Variants in AP1AR observed in about 807,000 individuals in gnomAD.
AP1AR encodes AP-1 complex-associated regulatory protein.
A neutral mutation model predicts 46.3 loss-of-function variants in AP1AR; 29 were observed. The observed-to-expected ratio is 0.63, with a 90% CI of 0.47 to 0.85. The LOEUF is 0.85. Ranked by LOEUF, AP1AR falls within the 40% of genes least tolerant of loss-of-function variation. AP1AR has a pLI of 0.00. For missense variants in AP1AR, 357 were observed against 356.3 expected, an observed-to-expected ratio of 1.00 and a Z score of -0.02; for synonymous variants, 122 against 122.9, an observed-to-expected ratio of 0.99 and a Z score of 0.05.
intron 1 of AP1AR, among the ~76,000 whole-genome samples, chr4:112,235,872 C>T (rs1038415132): frequency 3.3e-5 from 5 of 152,162 alleles, no homozygotes; most frequent in Non-Finnish European, 7.3e-5. Context: ...GTGTGCTAAG[C>T]TGTCTTTTTC....
rs148885771 is a variant in AP1AR at position 112,270,045 on chromosome 4, C to T, written c.*1636C>T. The T allele has an allele frequency of 2.0e-5, 3 of 152,506 alleles. No homozygotes were observed. Among genetic ancestry groups the T allele is most frequent in the Admixed American group, 2.0e-4 (3 of 15,276 alleles). 9.4% of individuals were successfully genotyped at this position (152,506 alleles called of 1,614,324 possible). ...GGTTGTGAATAAACACATTTTTACACTTAAAGGTAATAAGTTATTTGACTA... is the reference window on the plus strand; with the variant it reads ...GGTTGTGAATAAACACATTTTTACATTTAAAGGTAATAAGTTATTTGACTA... On this transcript the variant is annotated 3_prime_UTR_variant, in exon 10 of 10. Coordinates refer to ENST00000274000, the MANE Select transcript of AP1AR (RefSeq NM_018569.6).
intron 1 of AP1AR, among the ~76,000 whole-genome samples, chr4:112,241,148 C>G (rs1327835264): frequency 6.6e-6 from 1 of 152,090 alleles, no homozygotes; most frequent in African/African-American, 2.4e-5. Flanking sequence ...TCCTCTCTGC[C>G]AAGGCATAAA....
At chr4:112,253,962 T>C (rs1553925231) in intron 2 of AP1AR, among the ~76,000 whole-genome samples, 1 of 152,152 alleles carries the variant, frequency 6.6e-6, no homozygotes, top group East Asian at 1.9e-4. Context: ...CAAACTAATA[T>C]AAAAAAAGAT....
intron 1 of AP1AR, among the ~76,000 whole-genome samples, chr4:112,247,557 A>G (rs1725777351): frequency 6.6e-6 from 1 of 152,164 alleles, no homozygotes; most frequent in Non-Finnish European, 1.5e-5. Context: ...CAGAGTTAGG[A>G]GATAGCCTTG....
intron 2 of AP1AR, 93 bp from the exon 3 acceptor site, chr4:112,254,654 A>G: frequency 2.8e-6 from 2 of 720,724 alleles, no homozygotes; most frequent in East Asian, 6.1e-5. Flanking sequence ...ATAAAGGTAT[A>G]TTATTTTTAA....
At chr4:112,258,031 A>G (rs914213834) in intron 4 of AP1AR, among the ~76,000 whole-genome samples, 1 of 152,128 alleles carries the variant, frequency 6.6e-6, no homozygotes, top group African/African-American at 2.4e-5. Flanking sequence ...TGTACCTGTT[A>G]TATGTTTTTT....
At chr4:112,263,157 G>A in intron 6 of AP1AR, 71 bp downstream of exon 6, 1 of 1,214,100 alleles carries the variant, frequency 8.2e-7, no homozygotes, top group Non-Finnish European at 1.2e-6. Context: ...ATCTTAGTTG[G>A]GACTCTTTTT....
At chr4:112,255,391 A>T (rs970996204) in intron 3 of AP1AR, among the ~76,000 whole-genome samples, 1 of 152,208 alleles carries the variant, frequency 6.6e-6, no homozygotes, top group Non-Finnish European at 1.5e-5. Context: ...AGTAGGTAAA[A>T]TACCTAACAA....
At chr4:112,233,312 A>T (rs1397207822) in intron 1 of AP1AR, among the ~76,000 whole-genome samples, 2 of 152,270 alleles carry the variant, frequency 1.3e-5, no homozygotes. Flanking sequence ...TTTTACACTA[A>T]GTATCCCTAG....
intron 1 of AP1AR, among the ~76,000 whole-genome samples, chr4:112,233,567 C>CA (rs1411337464): frequency 6.6e-6 from 1 of 152,226 alleles, no homozygotes; most frequent in Non-Finnish European, 1.5e-5. Context: ...AGTTGTGTTA[C>CA]AGGGCGTTAA....
In AP1AR at chr4:112,270,366, TGAGA is replaced by T. The variant is rs1726901525; in HGVS notation, c.*1966_*1969del. On this transcript the variant is annotated 3_prime_UTR_variant, in exon 10 of 10. Transcript: ENST00000274000. ...CTCTGCTCTTTGCTTACCATTCTGG[TGAGA>T]GAGAGAGACAATAATAAGTAAACAT... is the stretch of plus-strand genomic sequence containing the variant. Among the ~76,000 whole-genome samples, 1 of 151,968 alleles carries T rather than the reference TGAGA, an allele frequency of 6.6e-6. No individual in the cohort carries two copies. Among genetic ancestry groups the T allele is most frequent in the Non-Finnish European group, 1.5e-5 (1 of 67,964 alleles).
In AP1AR at chr4:112,253,237, G is replaced by A. The variant is rs1578413042; in HGVS notation, c.113G>A (p.Gly38Asp). 1 of 1,611,188 alleles carries A rather than the reference G, an allele frequency of 6.2e-7. No individual in the cohort carries two copies. The highest frequency in any genetic ancestry group is 8.5e-7 in the Non-Finnish European group (1 of 1,178,970). ...GSKYFRTCSR[G>D]EHLTIEFENL... is the part of the protein sequence containing the mutation. ...AAGTATTTTAGAACATGCTCAAGAG[G>A]TGAGCACTTAACAATAGAGGTAAGT... Residue 38 changes from glycine (G) to aspartate (D), a missense_variant, in exon 2 of 10, where the codon GGT (glycine) becomes GAT (aspartate). Gly to Asp is a moderately conservative substitution (Grantham distance 94). This residue lies in a region of AP1AR where 269 missense variants were observed against 223.6 expected (regional missense o/e 1.20). Transcript: ENST00000274000.
At chr4:112,242,798 A>G (rs1047314085) in intron 1 of AP1AR, among the ~76,000 whole-genome samples, 1 of 152,166 alleles carries the variant, frequency 6.6e-6, no homozygotes, top group Non-Finnish European at 1.5e-5. Context: ...TCCAAGCTAT[A>G]ACACAATCCA....
At chr4:112,255,899 C>CG (rs1726180612) in intron 3 of AP1AR, among the ~76,000 whole-genome samples, 1 of 152,186 alleles carries the variant, frequency 6.6e-6, no homozygotes, top group South Asian at 2.1e-4. Context: ...TAATTGTGTA[C>CG]GTTTCTGCAA....
intron 4 of AP1AR, 111 bp from the exon 5 acceptor site, chr4:112,260,655 T>C: frequency 1.5e-6 from 1 of 666,292 alleles, no homozygotes; most frequent in Non-Finnish European, 2.4e-6. Flanking sequence ...GCTTTAACAT[T>C]TTTAACAGCA....
intron 9 of AP1AR, among the ~76,000 whole-genome samples, chr4:112,267,909 C>A (rs745711657): frequency 1.1e-4 from 17 of 151,780 alleles, no homozygotes; most frequent in Non-Finnish European, 2.4e-4. Flanking sequence ...ATCGGATAAT[C>A]GATGCATCAA....
chr4:112,264,358 G>A (rs558381787), intron 6 of AP1AR, among the ~76,000 whole-genome samples: 78 of 152,218 alleles, frequency 5.1e-4, no homozygotes, highest in Non-Finnish European at 1.0e-3. Flanking sequence ...ACACATTACA[G>A]TCTATACAGC....
In AP1AR at chr4:112,260,788, G is replaced by A; in HGVS notation, c.208G>A (p.Val70Ile). 1.3e-6 allele frequency: 2 copies of A among 1,596,864 alleles called. No homozygotes were observed. The highest frequency in any genetic ancestry group is 1.7e-6 in the Non-Finnish European group (2 of 1,173,582). The change falls in exon 5 of 10, where the codon GTT (valine) becomes ATT (isoleucine). Residue 70 changes from valine (V) to isoleucine (I), a missense_variant. Val to Ile is a conservative substitution (Grantham distance 29). Transcript: ENST00000274000. ...SHRPLTEEEI[V>I]DLRERHYDSI... ...TAGGCCTCTTACTGAGGAAGAAATT[G>A]TTGACCTAAGAGAAAGGCATTATGA...
In AP1AR at chr4:112,264,980, A is replaced by AT. The variant is rs549384439; in HGVS notation, c.382-21dup. 6.2e-4 allele frequency: 963 copies of AT among 1,560,098 alleles called. 4 individuals carry two copies. In the African/African-American group the frequency reaches 0.011, roughly 18 times the overall value. ...AAATATATAATTTTACAACAGAGTGATTTTTTTTATTACATTATGTTTCCA... is the reference window on the plus strand; with the variant it reads ...AAATATATAATTTTACAACAGAGTGATTTTTTTTTATTACATTATGTTTCCA... On this transcript the variant is annotated intron_variant, in intron 6 of 9. Transcript: ENST00000274000.
Sources: allele counts gnomAD v4.1 joint callset (sites outside exome capture counted in the v4.1 genomes callset), GRCh38; gene constraint gnomAD v4.1.1; regional missense constraint gnomAD v4.1.1; transcripts MANE v1.5; gene names NCBI Gene and HGNC (gene_info 2026-07-23, HGNC 2026-07-21).